ARHGEF3: variants seen among roughly 807,000 people sequenced by gnomAD.
ARHGEF3 encodes 59.8 kDA protein.
A neutral mutation model predicts 63.2 loss-of-function variants in ARHGEF3; 28 were observed. The ratio of observed to expected loss-of-function variants is 0.44; its 90% CI spans 0.33 to 0.61. ARHGEF3 has a LOEUF of 0.61. Among genes scored for constraint, ARHGEF3 ranks in the 20% least tolerant of loss-of-function variants. ARHGEF3 has a pLI of 0.03. For synonymous variants in ARHGEF3, 266 were observed against 254.2 expected (o/e 1.05, Z -0.44); for missense variants, 533 against 659.3 (o/e 0.81, Z 2.10).
chr3:56,949,414 T>C (rs1324118665), intron 3 of ARHGEF3, among the ~76,000 whole-genome samples: 1 of 152,098 alleles, frequency 6.6e-6, no homozygotes, highest in East Asian at 1.9e-4. Flanking sequence ...CTTAAGCTGA[T>C]AGGCAACTTC....
chr3:56,852,506 G>A lies in ARHGEF3; in HGVS notation c.192+29786C>T, dbSNP rs193008007. ...GCCTGACACACTTACACACACATGC[G>A]TGTACACGTGCACACACACATCCAA... On this transcript the variant is annotated intron_variant, in intron 4 of 12. Transcript: ENST00000338458. 4.9e-4 allele frequency among the ~76,000 whole-genome samples: 75 copies of A among 152,238 alleles called. 1 individual carries two copies. In the East Asian group the frequency reaches 0.011, roughly 22 times the overall value.
At chr3:56,770,411 A>AAAATTAAATT (rs532232575) in intron 2 of ARHGEF3, among the ~76,000 whole-genome samples, 2,193 of 147,786 alleles carry the variant, frequency 0.015, 54 homozygotes, top group African/African-American at 0.045. Flanking sequence ...CTCTGTCTCG[A>AAAATTAAATT]AAATTAAATT....
At chr3:56,862,589 C>A (rs1401317296) in intron 4 of ARHGEF3, among the ~76,000 whole-genome samples, 1 of 152,200 alleles carries the variant, frequency 6.6e-6, no homozygotes, top group African/African-American at 2.4e-5. Flanking sequence ...CCCTTAAAGT[C>A]TCACACAGGA....
chr3:56,794,834 AT>A (rs1292612424), intron 1 of ARHGEF3, among the ~76,000 whole-genome samples: 2 of 151,754 alleles, frequency 1.3e-5, no homozygotes, highest in Non-Finnish European at 2.9e-5. Context: ...TTGTATTGTT[AT>A]TTTTTATTGT....
At chr3:56,950,318 G>T (rs1262128621) in intron 3 of ARHGEF3, among the ~76,000 whole-genome samples, 2 of 151,986 alleles carry the variant, frequency 1.3e-5, no homozygotes, top group African/African-American at 4.8e-5. Flanking sequence ...CACAGCAAAA[G>T]AAACTACCAT....
intron 2 of ARHGEF3, among the ~76,000 whole-genome samples, chr3:56,962,088 A>C (rs1379259788): frequency 6.6e-6 from 1 of 152,128 alleles, no homozygotes; most frequent in Non-Finnish European, 1.5e-5. Context: ...CTGATACCAT[A>C]ATAGCCTCCT....
chr3:56,931,313 C>T (rs35925489), intron 3 of ARHGEF3, among the ~76,000 whole-genome samples: 413 of 152,184 alleles, frequency 2.7e-3, no homozygotes, highest in Non-Finnish European at 4.6e-3. Context: ...CAGTGGCTCA[C>T]GCTTGTAATC....
chr3:56,759,344 A>AT (rs1202139420), intron 2 of ARHGEF3, among the ~76,000 whole-genome samples: 1 of 151,624 alleles, frequency 6.6e-6, no homozygotes, highest in Admixed American at 6.6e-5. Context: ...GGCCCAGCTA[A>AT]TTTTTTTGTA....
chr3:57,045,587 G>A (rs1400778803), intron 1 of ARHGEF3, among the ~76,000 whole-genome samples: 1 of 152,160 alleles, frequency 6.6e-6, no homozygotes, highest in Non-Finnish European at 1.5e-5. Flanking sequence ...CCCTGCTGAG[G>A]GCTTCAAATG....
chr3:56,751,276 C>A, intron 5 of ARHGEF3, 24 bp downstream of exon 5: 2 of 1,594,552 alleles, frequency 1.3e-6, no homozygotes, highest in Non-Finnish European at 1.7e-6. Flanking sequence ...CAAGTCACGA[C>A]TCATCCTGGG....
At chr3:56,883,893 A>G (rs2040844288) in intron 3 of ARHGEF3, among the ~76,000 whole-genome samples, 1 of 152,214 alleles carries the variant, frequency 6.6e-6, no homozygotes. Context: ...CAGAGACTGG[A>G]AAGCAAACAG....
At chr3:56,732,738 T>G (rs1408181009) in intron 8 of ARHGEF3, among the ~76,000 whole-genome samples, 2 of 151,908 alleles carry the variant, frequency 1.3e-5, no homozygotes, top group African/African-American at 4.8e-5. Context: ...TGTACAGACA[T>G]ACCTGCCCCA....
intron 4 of ARHGEF3, among the ~76,000 whole-genome samples, chr3:56,875,818 G>A (rs967046604): frequency 2.6e-5 from 4 of 152,348 alleles, no homozygotes; most frequent in Middle Eastern, 3.4e-3. Flanking sequence ...TGCTAGGGAT[G>A]TAAAAAGAGT....
At chr3:56,876,124 G>A (rs1464204758) in intron 4 of ARHGEF3, among the ~76,000 whole-genome samples, 1 of 152,166 alleles carries the variant, frequency 6.6e-6, no homozygotes. Flanking sequence ...GAGGCCCAGG[G>A]ACAAGATGGA....
At chr3:57,048,497 C>T (rs1420336098) in intron 1 of ARHGEF3, among the ~76,000 whole-genome samples, 3 of 152,168 alleles carry the variant, frequency 2.0e-5, no homozygotes, top group African/African-American at 7.2e-5. Flanking sequence ...AGGAGGACCC[C>T]TCCATTTGGT....
chr3:56,947,264 T>C (rs1699557029), intron 3 of ARHGEF3, among the ~76,000 whole-genome samples: 1 of 152,154 alleles, frequency 6.6e-6, no homozygotes, highest in South Asian at 2.1e-4. Flanking sequence ...GAGGATCAAA[T>C]TCACACATAA....
At chr3:56,807,211 G>A (rs1184893032) in intron 4 of ARHGEF3, among the ~76,000 whole-genome samples, 1 of 152,018 alleles carries the variant, frequency 6.6e-6, no homozygotes, top group Non-Finnish European at 1.5e-5. Flanking sequence ...TTAAAGGCTT[G>A]TTCATCCATC....
At chr3:56,866,727 C>G (rs1229663317) in intron 4 of ARHGEF3, among the ~76,000 whole-genome samples, 1 of 152,216 alleles carries the variant, frequency 6.6e-6, no homozygotes, top group Non-Finnish European at 1.5e-5. Flanking sequence ...ATTGATAACT[C>G]CTTACAAGCA....
rs112317288 is a variant in ARHGEF3, at chr3:56,921,223, CA to C, written c.129+37599del. ...TCCATAAAAAGAAAAAAAAAAAGACCAAAAAAAAAAAGGTTGGAAAAAATCT... is the reference window on the plus strand; with the variant it reads ...TCCATAAAAAGAAAAAAAAAAAGACCAAAAAAAAAAGGTTGGAAAAAATCT... On this transcript the variant is annotated intron_variant, in intron 3 of 12. Transcript: ENST00000338458. 4.9e-3 allele frequency among the ~76,000 whole-genome samples: 698 copies of C among 142,064 alleles called. 25 individuals carry two copies. In the East Asian group the frequency reaches 0.078, roughly 16 times the overall value. The allele number at this position is 142,064 out of a possible 152,430, so 93.2% of individuals were successfully genotyped here.
Sources: gnomAD v4.1 joint callset for allele counts (sites outside exome capture counted in the v4.1 genomes callset) on GRCh38, gnomAD v4.1.1 for gene constraint, MANE v1.5 for transcripts, NCBI Gene and HGNC (gene_info 2026-07-23, HGNC 2026-07-21) for gene names.